CLCA2: variants seen among roughly 807,000 people sequenced by gnomAD.
CLCA2 encodes the protein calcium-activated chloride channel regulator 2.
A neutral mutation model predicts 82.9 loss-of-function variants in CLCA2; 85 were observed. That is an observed-to-expected ratio of 1.03 (90% CI 0.86 to 1.23). CLCA2 has a LOEUF of 1.23. Among genes scored for constraint, CLCA2 ranks in the 50% most tolerant of loss-of-function variants. CLCA2 has a pLI of 0.00. For synonymous variants in CLCA2, 421 were observed against 391.7 expected (o/e 1.07, Z -0.88); for missense variants, 1,089 against 1,124.8 (o/e 0.97, Z 0.45).
intron 11 of CLCA2, chr1:86,448,078 T>A (rs1023552659): frequency 1.2e-4 from 47 of 391,114 alleles, no homozygotes; most frequent in African/African-American, 7.1e-4. Flanking sequence ...CAGGCTTCTA[T>A]GTCCTTATGA....
At position 86,434,745 on chromosome 1, in the gene CLCA2, G is replaced by C; in HGVS notation, c.972G>C (p.Glu324Asp). ...LVLDVSSKMA[E>D]ADRLLQLQQA... is the part of the protein sequence containing the mutation. ...TGGATGTGTCCAGCAAGATGGCAGA[G>C]GTAACATTTTGAACGAAAATGAATG... Residue 324 changes from glutamate (E) to aspartate (D), a missense_variant and splice_region_variant, in exon 6 of 14, where the codon GAG (glutamate) becomes GAC (aspartate). Glu to Asp is a conservative substitution (Grantham distance 45, BLOSUM62 2). Transcript: ENST00000370565. The C allele has an allele frequency of 6.2e-7, 1 of 1,602,574 alleles. No homozygotes were observed. Among genetic ancestry groups the C allele is most frequent in the Non-Finnish European group, 8.5e-7 (1 of 1,170,338 alleles).
rs1351811262 is a variant in CLCA2 at position 86,425,260 on chromosome 1, A to G, written c.187-79A>G. The G allele has an allele frequency of 5.0e-6, 5 of 993,584 alleles. No homozygotes were observed. In the East Asian group the frequency reaches 1.4e-4, roughly 28 times the overall value. The allele number at this position is 993,584 out of a possible 1,614,324, so 61.5% of individuals were successfully genotyped here. On this transcript the variant is annotated intron_variant, in intron 1 of 13. Transcript: ENST00000370565. ...TCAAAATATTTCATTGTCTTTTATT[A>G]CTGTTTAAGCATACCAGAAAACCAA...
At chr1:86,446,048 C>T (rs1441309758) in intron 10 of CLCA2, among the ~76,000 whole-genome samples, 1 of 151,984 alleles carries the variant, frequency 6.6e-6, no homozygotes, top group Admixed American at 6.6e-5. Flanking sequence ...CCATGGACTC[C>T]CCCTGCTCCC....
intron 11 of CLCA2, chr1:86,448,270 C>T (rs1348751842): frequency 6.3e-6 from 1 of 159,596 alleles, no homozygotes; most frequent in Non-Finnish European, 1.4e-5. Context: ...TAAGATGACC[C>T]TAGACCCAAG....
intron 6 of CLCA2, 145 bp downstream of exon 6, chr1:86,434,890 G>A: frequency 1.5e-6 from 1 of 676,410 alleles, no homozygotes; most frequent in Non-Finnish European, 2.5e-6. Flanking sequence ...AGTGGTTGCT[G>A]CACCTATCAA....
At chr1:86,440,471 C>A in intron 8 of CLCA2, 146 bp downstream of exon 8, 3 of 752,198 alleles carry the variant, frequency 4.0e-6, no homozygotes, top group Non-Finnish European at 6.1e-6. Context: ...TAGAATCTGT[C>A]AAAATTTTGC....
chr1:86,439,032 G>A lies in CLCA2; in HGVS notation c.1129G>A (p.Val377Ile). 6.2e-7 allele frequency: 1 copy of A among 1,614,116 alleles called. No homozygotes were observed. The highest frequency in any genetic ancestry group is 8.5e-7 in the Non-Finnish European group (1 of 1,179,988). Residue 377 changes from valine to isoleucine, a missense_variant, in exon 7 of 14, where the codon GTT becomes ATT. Transcript: ENST00000370565. ...INSNDDRKLL[V>I]SYLPTTVSAK... is the part of the protein sequence containing the mutation. ...CAGCAATGATGATCGAAAGTTGCTGGTTTCATATCTGCCCACCACTGTATC... is the reference window on the plus strand; with the variant it reads ...CAGCAATGATGATCGAAAGTTGCTGATTTCATATCTGCCCACCACTGTATC...
At chr1:86,445,390 A>T (rs1662830170) in intron 10 of CLCA2, 1 of 138,626 alleles carries the variant, frequency 7.2e-6, no homozygotes, top group Non-Finnish European at 1.5e-5. Flanking sequence ...TTAGCTTAGA[A>T]GATTCGCATT....
Position 86,450,619 on chromosome 1 carries a change from G to A in CLCA2, c.2041G>A (p.Ala681Thr). 1 of 1,612,742 alleles carries A rather than the reference G, an allele frequency of 6.2e-7. No individual in the cohort carries two copies. Among genetic ancestry groups the A allele is most frequent in the Non-Finnish European group, 8.5e-7 (1 of 1,179,308 alleles). Residue 681 changes from alanine (A) to threonine (T), a missense_variant, in exon 12 of 14, where the codon GCA becomes ACA. Physicochemically the swap from Ala to Thr is moderately conservative, Grantham distance 58. Coordinates refer to ENST00000370565, the MANE Select transcript of CLCA2 (RefSeq NM_006536.7). ...IYSRYFFSFA[A>T]NGRYSLKVHV... The stretch of plus-strand genomic sequence containing the variant: ...CTCGAGGTATTTTTTCTCCTTTGCT[G>A]CAAATGGTAGATATAGCTTGAAAGT...
chr1:86,451,950 A>C (rs1341957408), intron 12 of CLCA2, among the ~76,000 whole-genome samples: 6 of 152,196 alleles, frequency 3.9e-5, no homozygotes, highest in Middle Eastern at 3.4e-3. Context: ...ATTAATCCAT[A>C]TGCCTTTAAT....
At chr1:86,440,401 C>A in intron 8 of CLCA2, 76 bp downstream of exon 8, 1 of 1,203,306 alleles carries the variant, frequency 8.3e-7, no homozygotes, top group South Asian at 1.5e-5. Context: ...CTATGAAACT[C>A]ATTATATGGC....
At chr1:86,438,290 C>T (rs1025714705) in intron 6 of CLCA2, among the ~76,000 whole-genome samples, 1 of 152,218 alleles carries the variant, frequency 6.6e-6, no homozygotes, top group African/African-American at 2.4e-5. Context: ...ACTAATATTA[C>T]TTTACACCTG....
rs765560978 is a variant in CLCA2 at position 86,428,570 on chromosome 1, T to C, written c.475+2T>C. On this transcript the variant is annotated splice_donor_variant, in intron 3 of 13. Transcript: ENST00000370565. LOFTEE classifies it high-confidence loss of function. ...TAACAGCTGGCTACGGATCACGAGG[T>C]AAGTGGGACCAATAAAACAATAGCC... 6.2e-7 allele frequency: 1 copy of C among 1,612,324 alleles called. No individual in the cohort carries two copies. Among genetic ancestry groups the C allele is most frequent in the Non-Finnish European group, 8.5e-7 (1 of 1,179,140 alleles).
intron 10 of CLCA2, among the ~76,000 whole-genome samples, chr1:86,444,502 G>A (rs779441431): frequency 9.2e-5 from 14 of 152,164 alleles, no homozygotes; most frequent in South Asian, 2.1e-4. Context: ...ATGCTTCCTG[G>A]AAGCAAAGAC....
At chr1:86,428,643 C>A in intron 3 of CLCA2, 75 bp downstream of exon 3, 1 of 1,513,618 alleles carries the variant, frequency 6.6e-7, no homozygotes, top group Non-Finnish European at 8.9e-7. Context: ...CTGAAAGGGA[C>A]TCACTCACAA....
intron 3 of CLCA2, 139 bp downstream of exon 3, chr1:86,428,707 C>T: frequency 1.1e-6 from 1 of 897,914 alleles, no homozygotes; most frequent in East Asian, 2.8e-5. Flanking sequence ...GGTCATATGC[C>T]CATGCAAAGA....
rs374398470 is a variant in CLCA2, at chr1:86,430,883, G to A, written c.497G>A (p.Trp166Ter). ...GSRGRVFVHE[W>*]AHLRWGVFDE... Reference sequence around the variant, plus strand: ...GCAGGCCGAGTGTTTGTCCATGAATGGGCCCACCTCCGTTGGGGTGTGTTC... The same window carrying A: ...GCAGGCCGAGTGTTTGTCCATGAATAGGCCCACCTCCGTTGGGGTGTGTTC... The change falls in exon 4 of 14, where the codon TGG (tryptophan) becomes TAG (stop). Residue 166 changes from tryptophan (W) to a stop codon, truncating the protein, a stop_gained. Transcript: ENST00000370565. LOFTEE classifies it high-confidence loss of function. 3.7e-6 allele frequency: 6 copies of A among 1,613,436 alleles called. No individual in the cohort carries two copies. The highest frequency in any genetic ancestry group is 5.1e-6 in the Non-Finnish European group (6 of 1,179,744).
At chr1:86,438,345 C>T (rs138205246) in intron 6 of CLCA2, among the ~76,000 whole-genome samples, 8 of 152,336 alleles carry the variant, frequency 5.3e-5, no homozygotes, top group Admixed American at 4.6e-4. Flanking sequence ...ATGTATCTCA[C>T]TTGATCCTCA....
chr1:86,434,463 T>C, intron 5 of CLCA2, 55 bp from the exon 6 acceptor site: 1 of 1,438,424 alleles, frequency 7.0e-7, no homozygotes, highest in South Asian at 1.2e-5. Flanking sequence ...GAATGAGAAC[T>C]ATGTTTGCTT....
Sources: allele counts gnomAD v4.1 joint callset (sites outside exome capture counted in the v4.1 genomes callset), GRCh38; gene constraint gnomAD v4.1.1; transcripts MANE v1.5; gene names NCBI Gene and HGNC (gene_info 2026-07-23, HGNC 2026-07-21).